EPB41L1: variants seen among roughly 807,000 people sequenced by gnomAD.
EPB41L1 encodes erythrocyte membrane protein band 4.1 like 1, also known as band 4.1-like protein 1.
In EPB41L1, 29 loss-of-function variants were observed where a neutral mutation model predicts 97.8. The ratio of observed to expected loss-of-function variants is 0.30; its 90% CI spans 0.22 to 0.40. The LOEUF (loss-of-function observed/expected upper bound fraction) is 0.40, where lower values mean the gene tolerates loss of function less well. EPB41L1 is among the 10% of genes least tolerant of loss of function. The probability of loss-of-function intolerance (pLI) is 1.00; values close to 1 mark genes in which losing one functional copy is unlikely to be tolerated. For synonymous variants in EPB41L1, 383 were observed against 459.2 expected (o/e 0.83, Z 2.12); for missense variants, 812 against 1,162.3 (o/e 0.70, Z 4.38).
Position 36,206,325 on chromosome 20 carries a change from T to G in EPB41L1, c.1669-3163T>G. 7.8e-7 allele frequency: 1 copy of G among 1,289,854 alleles called. No homozygotes were observed. The highest frequency in any genetic ancestry group is 1.0e-6 in the Non-Finnish European group (1 of 988,902). The allele number at this position is 1,289,854 out of a possible 1,614,324, so 79.9% of individuals were successfully genotyped here. The stretch of plus-strand genomic sequence containing the variant: ...CTCACACTTGTGGGAGACCCACTGC[T>G]CCAGGGACCAGGCCAGCAGAGGTGG... On this transcript the variant is annotated intron_variant, in intron 14 of 21. Transcript: ENST00000338074. The surrounding 1 kb of genome is among the most constrained non-coding windows in gnomAD (Gnocchi z 5.5).
chr20:36,178,331 C>T (rs1392785959), intron 4 of EPB41L1, among the ~76,000 whole-genome samples: 1 of 152,180 alleles, frequency 6.6e-6, no homozygotes, highest in Non-Finnish European at 1.5e-5. Flanking sequence ...TTCTCCCCTA[C>T]CCTTGGGAGG....
rs552427560 is a variant in EPB41L1 at position 36,100,279 on chromosome 20, C to T, written c.-65+8667C>T. ...CCCCTTGATTCTTCTTTCCTTTCCT[C>T]CCTCCTCTTCTCAGTTTGCTCTCTC... On this transcript the variant is annotated intron_variant, in intron 1 of 19. Transcript: ENST00000202028. 1.1e-4 allele frequency among the ~76,000 whole-genome samples: 17 copies of T among 152,314 alleles called. 1 individual carries two copies. In the South Asian group the frequency reaches 3.5e-3, roughly 32 times the overall value.
At chr20:36,121,569 A>G (rs1261352297) in intron 2 of EPB41L1, 1 of 152,180 alleles carries the variant, frequency 6.6e-6, no homozygotes. Flanking sequence ...TTTGTGGGGC[A>G]TTTGCCTGGC....
rs2064540311 is a variant in EPB41L1 at position 36,232,622 on chromosome 20, T to G, written c.*3282T>G. The G allele has an allele frequency of 2.5e-6, 1 of 399,066 alleles. No homozygotes were observed. Among genetic ancestry groups the G allele is most frequent in the Non-Finnish European group, 4.4e-6 (1 of 226,102 alleles). 24.7% of individuals were successfully genotyped at this position (399,066 alleles called of 1,614,324 possible). A position where few individuals can be genotyped will look rare whatever the true frequency, so the allele number is the denominator to read the frequency against. Reference sequence around the variant, plus strand: ...AGCAACATCACTCGAAATAATTTTTTTTTTCAAAAGCACCTTAACAACCAA... The same window carrying G: ...AGCAACATCACTCGAAATAATTTTTGTTTTCAAAAGCACCTTAACAACCAA... On this transcript the variant is annotated 3_prime_UTR_variant, in exon 22 of 22. Coordinates refer to ENST00000338074, the MANE Select transcript of EPB41L1 (RefSeq NM_012156.2).
chr20:36,170,559 T>C (rs1360392405), intron 1 of EPB41L1, among the ~76,000 whole-genome samples: 2 of 152,200 alleles, frequency 1.3e-5, no homozygotes, highest in Non-Finnish European at 2.9e-5. Context: ...GGCCATGGAA[T>C]GCAGAGGTGG....
chr20:36,194,312 G>C lies in EPB41L1; in HGVS notation c.1401G>C (p.Glu467Asp). 6.2e-7 allele frequency: 1 copy of C among 1,614,110 alleles called. No homozygotes were observed. The highest frequency in any genetic ancestry group is 8.5e-7 in the Non-Finnish European group (1 of 1,180,000). ...GCGAGTCTGGGGGGCAACGGTCAGA[G>C]GCTGAGGAGGGAGAGGTCAGGACTC... is the stretch of plus-strand genomic sequence containing the variant. ...EDGESGGQRS[E>D]AEEGEVRTPT... is the part of the protein sequence containing the mutation. The change falls in exon 12 of 22, where the codon GAG becomes GAC. Residue 467 changes from glutamate to aspartate, a missense_variant. Transcript: ENST00000338074.
rs1031997943 is a variant in EPB41L1, at chr20:36,229,485, CAT to C, written c.*155_*156del. 4.1e-5 allele frequency: 31 copies of C among 760,980 alleles called. No individual in the cohort carries two copies. Among genetic ancestry groups the C allele is most frequent in the Non-Finnish European group, 5.2e-5 (22 of 426,172 alleles). The allele number at this position is 760,980 out of a possible 1,614,324, so 47.1% of individuals were successfully genotyped here. On this transcript the variant is annotated 3_prime_UTR_variant, in exon 22 of 22. Transcript: ENST00000338074. ...TGATGAGAGACTGGGAAGGGAAAAG[CAT>C]ATATATATAGATATATAGAGATATA... is the stretch of plus-strand genomic sequence containing the variant.
intron 16 of EPB41L1, 35 bp from the exon 17 acceptor site, chr20:36,214,322 C>T: frequency 6.4e-7 from 1 of 1,574,756 alleles, no homozygotes; most frequent in Non-Finnish European, 8.7e-7. Context: ...GTATACCCAG[C>T]TCTCCCCAGC....
chr20:36,102,069 CA>C (rs1315176996), intron 1 of EPB41L1, among the ~76,000 whole-genome samples: 4 of 149,782 alleles, frequency 2.7e-5, no homozygotes, highest in Non-Finnish European at 4.4e-5. Context: ...ACTCTTTTTC[CA>C]GACCTCACCC....
At position 36,182,040 on chromosome 20, in the gene EPB41L1, T is replaced by TTTTC. The variant is rs146618744; in HGVS notation, c.491-214_491-211dup. On this transcript the variant is annotated intron_variant, in intron 5 of 21. Transcript: ENST00000338074. Reference sequence around the variant, plus strand: ...CAGTGTGCCTGGCATGCAGCGTCAGTTTTCTTTCTTTCTTTCTTTCTACCT... The same window carrying TTTTC: ...CAGTGTGCCTGGCATGCAGCGTCAGTTTTCTTTCTTTCTTTCTTTCTTTCTACCT... Among the ~76,000 whole-genome samples the TTTTC allele has an allele frequency of 2.4e-4, 36 of 152,202 alleles. No homozygotes were observed. In the East Asian group the frequency reaches 4.2e-3, roughly 18 times the overall value.
At chr20:36,183,458 C>T (rs1454551418) in intron 6 of EPB41L1, among the ~76,000 whole-genome samples, 2 of 152,232 alleles carry the variant, frequency 1.3e-5, no homozygotes, top group African/African-American at 4.8e-5. Context: ...AATGTGGCAG[C>T]AGCAAGATCT....
chr20:36,100,461 C>A (rs1016275603), intron 1 of EPB41L1, among the ~76,000 whole-genome samples: 2 of 152,208 alleles, frequency 1.3e-5, no homozygotes, highest in Non-Finnish European at 2.9e-5. Flanking sequence ...AAGAGGCTCA[C>A]TCTGGTGACT....
At chr20:36,143,584 A>G (rs180731001) in intron 2 of EPB41L1, among the ~76,000 whole-genome samples, 1 of 152,318 alleles carries the variant, frequency 6.6e-6, no homozygotes. Context: ...ATCGTGGCTG[A>G]TTAGAGATCA....
At chr20:36,186,757 G>T (rs1191640820) in intron 7 of EPB41L1, among the ~76,000 whole-genome samples, 1 of 152,196 alleles carries the variant, frequency 6.6e-6, no homozygotes, top group South Asian at 2.1e-4. Context: ...ATGGGCTGGA[G>T]AAATACTAAG....
intron 1 of EPB41L1, among the ~76,000 whole-genome samples, chr20:36,163,193 C>T (rs1328948499): frequency 6.6e-6 from 1 of 150,424 alleles, no homozygotes; most frequent in African/African-American, 2.5e-5. Context: ...AATACATGCT[C>T]ATAGTAGAAA....
At chr20:36,194,149 G>A (rs1244570165) in intron 11 of EPB41L1, 63 bp from the exon 12 acceptor site, 14 of 1,609,512 alleles carry the variant, frequency 8.7e-6, no homozygotes, top group Non-Finnish European at 1.2e-5. Flanking sequence ...GGCTGGGCTG[G>A]TTCTCTGTCT....
intron 14 of EPB41L1, among the ~76,000 whole-genome samples, chr20:36,205,530 T>C (rs2062752398): frequency 6.6e-6 from 1 of 152,088 alleles, no homozygotes; most frequent in Non-Finnish European, 1.5e-5. Context: ...AGAGGAAGGG[T>C]CCTGGCCCAT....
At chr20:36,175,106 C>T (rs537967678) in intron 2 of EPB41L1, among the ~76,000 whole-genome samples, 26 of 152,204 alleles carry the variant, frequency 1.7e-4, no homozygotes, top group African/African-American at 5.3e-4. Flanking sequence ...GGGCGGGCGG[C>T]GGTGGGGCAG....
At chr20:36,225,812 C>G (rs1220750385) in intron 21 of EPB41L1, among the ~76,000 whole-genome samples, 1 of 152,114 alleles carries the variant, frequency 6.6e-6, no homozygotes, top group African/African-American at 2.4e-5. Flanking sequence ...CATTCAGAGC[C>G]CTCATCCTGG....
Sources: allele counts gnomAD v4.1 joint callset (sites outside exome capture counted in the v4.1 genomes callset), GRCh38; gene constraint gnomAD v4.1.1; non-coding constraint Gnocchi (gnomAD v3.1); transcripts MANE v1.5; gene names NCBI Gene and HGNC (gene_info 2026-07-23, HGNC 2026-07-21).